Variants in EDEM2 observed in about 807,000 individuals in gnomAD.
EDEM2 encodes ER degradation-enhancing alpha-mannosidase-like protein 2.
EDEM2 carries 39 observed loss-of-function variants against 64.8 expected under a neutral mutation model. That is an observed-to-expected ratio of 0.60 (90% confidence interval 0.47 to 0.79). The LOEUF is 0.79. Ranked by LOEUF, EDEM2 falls within the 30% of genes least tolerant of loss-of-function variation. EDEM2 has a pLI of 0.00. For missense variants in EDEM2, 609 were observed against 731.3 expected, an observed-to-expected ratio of 0.83 and a Z score of 1.93; for synonymous variants, 296 against 291.5, an observed-to-expected ratio of 1.02 and a Z score of -0.16.
Position 35,142,607 on chromosome 20 carries a change from G to T in EDEM2, c.259-129C>A, listed in dbSNP as rs1206893191. 2.6e-5 allele frequency: 17 copies of T among 656,046 alleles called. No homozygotes were observed. The African/African-American group carries it at 3.1e-4, about 12-fold the overall frequency. The allele number at this position is 656,046 out of a possible 1,614,324, so 40.6% of individuals were successfully genotyped here. A position where few individuals can be genotyped will look rare whatever the true frequency, so the allele number is the denominator to read the frequency against. On this transcript the variant is annotated intron_variant, in intron 3 of 10. Transcript: ENST00000374492. ...GACCTCCAGTTTCTGTCCTAGGATT[G>T]GTGACAGCAGAAGAAAACACTGAGA...
chr20:35,118,667 G>A lies in EDEM2; in HGVS notation c.1167C>T (p.Leu389=), dbSNP rs1482102997. 1 of 1,613,676 alleles carries A rather than the reference G, an allele frequency of 6.2e-7. No homozygotes were observed. The highest frequency in any genetic ancestry group is 8.5e-7 in the Non-Finnish European group (1 of 1,180,014). The change falls in exon 10 of 11, where the codon CTC becomes CTT. Residue 389 remains leucine (L), a synonymous_variant. Transcript: ENST00000374492. ...YLYRATGDPT[L]LELGRDAVES... is the part of the protein sequence containing the mutation. ...CCACAGCATCTCTTCCGAGTTCTAG[G>A]AGGGTGGGATCCCCCGTGGCACGGT...
chr20:35,138,143 G>A lies in EDEM2; in HGVS notation c.365-138C>T, dbSNP rs754486621. ...TCAGGACCTCCTGAAGCTATTTCACGGGTAAAAACAAACAAACAAAAACCT... is the reference window on the plus strand; with the variant it reads ...TCAGGACCTCCTGAAGCTATTTCACAGGTAAAAACAAACAAACAAAAACCT... On this transcript the variant is annotated intron_variant, in intron 4 of 10. Coordinates refer to ENST00000374492, the MANE Select transcript of EDEM2 (RefSeq NM_018217.3). 4.5e-5 allele frequency: 56 copies of A among 1,251,150 alleles called. 1 individual carries two copies. Among genetic ancestry groups the A allele is most frequent in the Non-Finnish European group, 5.5e-5 (50 of 917,168 alleles). 77.5% of individuals were successfully genotyped at this position (1,251,150 alleles called of 1,614,324 possible).
intron 7 of EDEM2, among the ~76,000 whole-genome samples, chr20:35,128,084 C>T (rs1271469134): frequency 1.3e-5 from 2 of 152,138 alleles, no homozygotes; most frequent in Non-Finnish European, 2.9e-5. Flanking sequence ...ATAACTCCTT[C>T]CTCTTATATA....
intron 7 of EDEM2, among the ~76,000 whole-genome samples, chr20:35,130,061 T>C (rs924734109): frequency 2.8e-4 from 43 of 152,184 alleles, no homozygotes; most frequent in African/African-American, 1.0e-3. Context: ...TCTTAATTCA[T>C]TAAATTTTTA....
At chr20:35,118,479 T>C (rs1384759629) in intron 10 of EDEM2, 119 bp downstream of exon 10, 1 of 1,459,012 alleles carries the variant, frequency 6.9e-7, no homozygotes, top group Non-Finnish European at 9.4e-7. Flanking sequence ...GCATTATGTA[T>C]ATCTCCAAGG....
chr20:35,138,009 C>A lies in EDEM2; in HGVS notation c.365-4G>T. 1 of 1,613,724 alleles carries A rather than the reference C, an allele frequency of 6.2e-7. No individual in the cohort carries two copies. Among genetic ancestry groups the A allele is most frequent in the Non-Finnish European group, 8.5e-7 (1 of 1,179,820 alleles). ...GCAGACAGGAGTCCTCCTACCACTA[C>A]AGATGGCACAGAAAGCAAATGGCAC... On this transcript the variant is annotated splice_region_variant and splice_polypyrimidine_tract_variant and intron_variant, in intron 4 of 10. Transcript: ENST00000374492.
chr20:35,145,721 G>A (rs1000392389), intron 2 of EDEM2, among the ~76,000 whole-genome samples: 1 of 152,162 alleles, frequency 6.6e-6, no homozygotes, highest in Non-Finnish European at 1.5e-5. Flanking sequence ...CTTCAAACGA[G>A]TGTAGGCTGG....
Position 35,115,421 on chromosome 20 carries a change from A to G in EDEM2, c.*12T>C. On this transcript the variant is annotated 3_prime_UTR_variant, in exon 11 of 11. Coordinates refer to ENST00000374492, the MANE Select transcript of EDEM2 (RefSeq NM_018217.3). ...GCCTCAAAAAAATAAAAATAAAAAA[A>G]TTATCCAGTGGTTATGAGGAGTCTA... 2 of 1,589,278 alleles carry G rather than the reference A, an allele frequency of 1.3e-6. No individual in the cohort carries two copies. The highest frequency in any genetic ancestry group is 1.7e-6 in the Non-Finnish European group (2 of 1,170,830).
At chr20:35,131,865 C>G in intron 6 of EDEM2, 82 bp from the exon 7 acceptor site, 3 of 1,507,924 alleles carry the variant, frequency 2.0e-6, no homozygotes, top group South Asian at 2.5e-5. Context: ...CCTGACTGCC[C>G]AGGGAGATGC....
In EDEM2 at chr20:35,130,474, T is replaced by C. The variant is rs532689440; in HGVS notation, c.844+1168A>G. 2.6e-5 allele frequency among the ~76,000 whole-genome samples: 4 copies of C among 152,336 alleles called. No homozygotes were observed. The South Asian group carries it at 8.3e-4, about 32-fold the overall frequency. ...TATATGTTATAGAAGTTATGTGAAT[T>C]TGTCTTTTTGGTAAGAGACAGGAAA... On this transcript the variant is annotated intron_variant, in intron 7 of 10. Coordinates refer to ENST00000374492, the MANE Select transcript of EDEM2 (RefSeq NM_018217.3).
At chr20:35,122,142 C>A (rs192873610) in intron 9 of EDEM2, among the ~76,000 whole-genome samples, 1 of 152,184 alleles carries the variant, frequency 6.6e-6, no homozygotes, top group East Asian at 1.9e-4. Context: ...CCAAATGGAA[C>A]AGGTTGCCTC....
intron 7 of EDEM2, among the ~76,000 whole-genome samples, chr20:35,130,978 G>A (rs1031941697): frequency 3.9e-5 from 6 of 152,178 alleles, no homozygotes; most frequent in Non-Finnish European, 8.8e-5. Flanking sequence ...AGATGCTGAA[G>A]GTCCCAAATT....
intron 7 of EDEM2, among the ~76,000 whole-genome samples, chr20:35,127,183 G>A (rs550943466): frequency 1.4e-3 from 217 of 152,258 alleles, no homozygotes; most frequent in Non-Finnish European, 2.4e-3. Flanking sequence ...CTTCCGCCAC[G>A]ATTGTGAGGC....
intron 9 of EDEM2, among the ~76,000 whole-genome samples, chr20:35,122,551 T>C (rs1422819399): frequency 6.6e-6 from 1 of 152,082 alleles, no homozygotes; most frequent in Non-Finnish European, 1.5e-5. Flanking sequence ...ATTTTGTATT[T>C]TTAGTAGAGA....
At chr20:35,121,321 A>C (rs1809633946) in intron 9 of EDEM2, among the ~76,000 whole-genome samples, 1 of 152,192 alleles carries the variant, frequency 6.6e-6, no homozygotes, top group Non-Finnish European at 1.5e-5. Context: ...AGGAGCACAC[A>C]ACCTAGATCC....
At chr20:35,120,426 C>T (rs894194590) in intron 9 of EDEM2, among the ~76,000 whole-genome samples, 4 of 151,990 alleles carry the variant, frequency 2.6e-5, no homozygotes, top group Non-Finnish European at 5.9e-5. Context: ...ACTTCCTCCT[C>T]CCCTCTCCTC....
At chr20:35,129,820 G>C (rs892104698) in intron 7 of EDEM2, among the ~76,000 whole-genome samples, 1 of 151,920 alleles carries the variant, frequency 6.6e-6, no homozygotes, top group Admixed American at 6.6e-5. Context: ...TATTACAATT[G>C]TCTATAGTAT....
intron 7 of EDEM2, among the ~76,000 whole-genome samples, chr20:35,130,682 C>T (rs1193751190): frequency 6.6e-6 from 1 of 152,106 alleles, no homozygotes. Flanking sequence ...ACTGTACTCA[C>T]CTATTTTCAG....
At position 35,135,106 on chromosome 20, in the gene EDEM2, G is replaced by A. The variant is rs1028508657; in HGVS notation, c.491-157C>T. Among the ~76,000 whole-genome samples the A allele has an allele frequency of 2.6e-5, 4 of 152,110 alleles. No individual in the cohort carries two copies. The East Asian group carries it at 7.7e-4, about 29-fold the overall frequency. On this transcript the variant is annotated intron_variant, in intron 5 of 10. Transcript: ENST00000374492. ...GAGAAAGATAAATGTCATAACTGGA[G>A]GGCCCTGAGCAGCCACCCAGCCCAG... is the stretch of plus-strand genomic sequence containing the variant.
Sources: allele counts gnomAD v4.1 joint callset (sites outside exome capture counted in the v4.1 genomes callset), GRCh38; gene constraint gnomAD v4.1.1; transcripts MANE v1.5; gene names NCBI Gene and HGNC (gene_info 2026-07-23, HGNC 2026-07-21).